ACSL4: variants seen among roughly 807,000 people sequenced by gnomAD.
ACSL4 encodes acyl-CoA synthetase long chain family member 4, also known as long-chain-fatty-acid--CoA ligase 4.
Under a neutral mutation model 49.1 loss-of-function variants are expected in ACSL4, and 9 were observed. That is an observed-to-expected ratio of 0.18 (90% CI 0.11 to 0.32). The LOEUF (loss-of-function observed/expected upper bound fraction) is 0.32, where lower values mean the gene tolerates loss of function less well. ACSL4 is among the 10% of genes least tolerant of loss of function. The pLI, the probability that ACSL4 is intolerant of heterozygous loss-of-function variation, is 1.00. For missense variants in ACSL4, 333 were observed against 493.7 expected (o/e 0.67, Z 3.08); for synonymous variants, 191 against 170.3 (o/e 1.12, Z -0.95).
chrX:109,643,885 A>T lies in ACSL4; in HGVS notation c.*144T>A. 1.4e-6 allele frequency: 1 copy of T among 698,252 alleles called. No individual in the cohort carries two copies. The highest frequency in any genetic ancestry group is 2.2e-6 in the Non-Finnish European group (1 of 456,986). The allele number at this position is 698,252 out of a possible 1,213,427, so 57.5% of individuals were successfully genotyped here. A position where few individuals can be genotyped will look rare whatever the true frequency, so the allele number is the denominator to read the frequency against. ...TTAAAGTAAACCGGACAACAATTTT[A>T]ATAACTTTTGGTTTTGTTTTCTTTT... On this transcript the variant is annotated 3_prime_UTR_variant, in exon 16 of 16. Coordinates refer to ENST00000672401, the MANE Select transcript of ACSL4 (RefSeq NM_001318510.2).
intron 1 of ACSL4, among the ~76,000 whole-genome samples, chrX:109,700,974 C>G (rs1925873848): frequency 9.1e-6 from 1 of 110,231 alleles, no homozygotes; most frequent in South Asian, 3.9e-4. Context: ...ACCCGGGAGG[C>G]AGAGGCTGCC....
chrX:109,681,361 C>T lies in ACSL4; in HGVS notation c.421G>A (p.Ala141Thr). ...ACTACTGCTTCTTTGCCAAGTGTGG[C>T]ATATAAAGTCACAACTACATAATAA... The part of the protein sequence containing the change: ...KYNFPLVTLY[A>T]TLGKEAVVHG... Residue 141 changes from alanine (A) to threonine (T), a missense_variant, in exon 5 of 16, where the codon GCC becomes ACC. Physicochemically the swap from Ala to Thr is moderately conservative, Grantham distance 58. Transcript: ENST00000672401. 8.4e-7 allele frequency: 1 copy of T among 1,194,029 alleles called. No individual in the cohort carries two copies. The highest frequency in any genetic ancestry group is 1.1e-6 in the Non-Finnish European group (1 of 880,766).
At chrX:109,665,533 A>G (rs1304080510) in intron 11 of ACSL4, 39 bp from the exon 12 acceptor site, 1 of 1,085,449 alleles carries the variant, frequency 9.2e-7, no homozygotes, top group Non-Finnish European at 1.3e-6. Context: ...AGCATACCAC[A>G]TTCCAGATTT....
intron 15 of ACSL4, among the ~76,000 whole-genome samples, chrX:109,653,377 A>G (rs903597289): frequency 8.9e-6 from 1 of 111,934 alleles, no homozygotes; most frequent in East Asian, 2.8e-4. Context: ...TAGTTCAACC[A>G]TTGTGGAAGT....
intron 2 of ACSL4, chrX:109,685,380 G>A (rs1924531565): frequency 9.0e-6 from 1 of 110,991 alleles, no homozygotes; most frequent in African/African-American, 3.3e-5. Flanking sequence ...ACAGGCGGGG[G>A]CCACCACACC....
At chrX:109,725,840 A>AT (rs936443438) in intron 1 of ACSL4, among the ~76,000 whole-genome samples, 2 of 109,834 alleles carry the variant, frequency 1.8e-5, no homozygotes, top group East Asian at 2.8e-4. Context: ...AGCGGACAGT[A>AT]TTTTTTTTTG....
chrX:109,693,190 C>A (rs1163027480), intron 2 of ACSL4, among the ~76,000 whole-genome samples: 4 of 111,106 alleles, frequency 3.6e-5, no homozygotes, highest in Non-Finnish European at 7.6e-5. Context: ...TAAACCATTT[C>A]TTATAAAATG....
intron 11 of ACSL4, 93 bp downstream of exon 11, chrX:109,668,008 T>C: frequency 3.2e-6 from 2 of 622,132 alleles, no homozygotes; most frequent in Non-Finnish European, 5.2e-6. Flanking sequence ...AGTTAAGAGG[T>C]ATTTTAAAGT....
intron 1 of ACSL4, among the ~76,000 whole-genome samples, chrX:109,714,001 T>C (rs1926940336): frequency 8.9e-6 from 1 of 111,776 alleles, no homozygotes; most frequent in Non-Finnish European, 1.9e-5. Flanking sequence ...AGGCAGGTCC[T>C]TTAGGAGGTA....
At chrX:109,701,156 CT>C (rs1925891637) in intron 1 of ACSL4, among the ~76,000 whole-genome samples, 1 of 111,733 alleles carries the variant, frequency 8.9e-6, no homozygotes, top group Non-Finnish European at 1.9e-5. Flanking sequence ...GAAATAACAG[CT>C]TTTTACATTT....
At chrX:109,724,404 AT>A (rs1359650706) in intron 1 of ACSL4, among the ~76,000 whole-genome samples, 1 of 111,184 alleles carries the variant, frequency 9.0e-6, no homozygotes, top group Non-Finnish European at 1.9e-5. Flanking sequence ...CCTCCCAAGT[AT>A]CTGGGACTAC....
chrX:109,660,940 A>G (rs1461698608), intron 14 of ACSL4, among the ~76,000 whole-genome samples: 1 of 111,184 alleles, frequency 9.0e-6, no homozygotes, highest in African/African-American at 3.3e-5. Flanking sequence ...GAGGAGGAAT[A>G]GGAGTTGCTG....
At chrX:109,661,012 A>G (rs1022528393) in intron 14 of ACSL4, among the ~76,000 whole-genome samples, 3 of 111,659 alleles carry the variant, frequency 2.7e-5, no homozygotes, top group Admixed American at 1.9e-4. Context: ...GCTGCACACC[A>G]ATGTAAATAT....
chrX:109,686,776 G>GCACACA (rs35736807), intron 2 of ACSL4, among the ~76,000 whole-genome samples: 58 of 98,921 alleles, frequency 5.9e-4, no homozygotes, highest in African/African-American at 1.7e-3. Flanking sequence ...ACACACGCAT[G>GCACACA]CACACACACA....
chrX:109,726,096 CA>C (rs1927967900), intron 1 of ACSL4, among the ~76,000 whole-genome samples: 1 of 112,012 alleles, frequency 8.9e-6, no homozygotes. Context: ...TGTCAGGTTA[CA>C]ACATATTAAA....
chrX:109,656,676 G>C (rs1258209749), intron 15 of ACSL4, among the ~76,000 whole-genome samples: 1 of 109,921 alleles, frequency 9.1e-6, no homozygotes, highest in African/African-American at 3.3e-5. Flanking sequence ...GCTGCTTTTT[G>C]TTGCAAGTCC....
intron 10 of ACSL4, among the ~76,000 whole-genome samples, chrX:109,668,481 T>G (rs959576086): frequency 9.0e-6 from 1 of 111,557 alleles, no homozygotes; most frequent in Non-Finnish European, 1.9e-5. Context: ...AAAGATAATG[T>G]GTAGCATCGG....
At chrX:109,657,735 T>C (rs191824557) in intron 15 of ACSL4, among the ~76,000 whole-genome samples, 2,138 of 111,758 alleles carry the variant, frequency 0.019, 25 homozygotes, top group Non-Finnish European at 0.031. Flanking sequence ...ATATACCCAG[T>C]AATGGGATGG....
At chrX:109,699,466 T>C (rs1316082551) in intron 1 of ACSL4, among the ~76,000 whole-genome samples, 2 of 112,782 alleles carry the variant, frequency 1.8e-5, no homozygotes, top group African/African-American at 6.4e-5. Flanking sequence ...TTGATAGGTC[T>C]TATTTTAGAT....
Sources: gnomAD v4.1 joint callset for allele counts (sites outside exome capture counted in the v4.1 genomes callset) on GRCh38, gnomAD v4.1.1 for gene constraint, MANE v1.5 for transcripts, NCBI Gene and HGNC (gene_info 2026-07-23, HGNC 2026-07-21) for gene names.